Variants in KDM4B observed in about 807,000 individuals in gnomAD.
The protein encoded by KDM4B is lysine demethylase 4B.
A neutral mutation model predicts 125.2 loss-of-function variants in KDM4B; 32 were observed. The observed-to-expected ratio is 0.26, with a 90% CI of 0.19 to 0.34. The LOEUF (loss-of-function observed/expected upper bound fraction) is 0.34, where lower values mean the gene tolerates loss of function less well. Among genes scored for constraint, KDM4B ranks in the 10% least tolerant of loss-of-function variants. The pLI is 1.00. For synonymous variants in KDM4B, 721 were observed against 677.9 expected (o/e 1.06, Z -0.99); for missense variants, 1,190 against 1,577.7 (o/e 0.75, Z 4.16).
At chr19:5,106,528 T>G (rs2039038263) in intron 9 of KDM4B, among the ~76,000 whole-genome samples, 1 of 152,164 alleles carries the variant, frequency 6.6e-6, no homozygotes, top group Non-Finnish European at 1.5e-5. Context: ...CCTCCTCCTC[T>G]GGGGGATTCC....
At chr19:5,137,888 A>G in intron 17 of KDM4B, 74 bp from the exon 18 acceptor site, 1 of 1,340,626 alleles carries the variant, frequency 7.5e-7, no homozygotes, top group Non-Finnish European at 1.0e-6. Flanking sequence ...CGACAGCCAC[A>G]TCACGCCCAG....
chr19:5,125,669 G>A (rs2039436444), intron 11 of KDM4B, among the ~76,000 whole-genome samples: 3 of 152,206 alleles, frequency 2.0e-5, no homozygotes, highest in South Asian at 2.1e-4. Flanking sequence ...TCTCTGAAGG[G>A]ATCAGCCCCC....
At chr19:5,070,876 C>A in intron 6 of KDM4B, 134 bp from the exon 7 acceptor site, 1 of 836,806 alleles carries the variant, frequency 1.2e-6, no homozygotes, top group Non-Finnish European at 1.9e-6. Context: ...CCCCTCCACA[C>A]AGTCCTGACC....
chr19:5,110,825 T>C lies in KDM4B; in HGVS notation c.1115+7T>C, dbSNP rs532039749. On this transcript the variant is annotated splice_region_variant and intron_variant, in intron 10 of 22. Transcript: ENST00000159111. ...AGGCCAAGCTCCTCCGCAGGTGAGT[T>C]GCCAAGGGACTGCCGCGTGACTGCC... 3.2e-6 allele frequency: 5 copies of C among 1,562,928 alleles called. No individual in the cohort carries two copies. The South Asian group carries it at 5.8e-5, about 18-fold the overall frequency.
intron 1 of KDM4B, among the ~76,000 whole-genome samples, chr19:5,004,968 CA>C (rs1378614176): frequency 6.6e-6 from 1 of 152,352 alleles, no homozygotes; most frequent in East Asian, 1.9e-4. Flanking sequence ...CCCACTTCCC[CA>C]GGCTTCATTC....
chr19:5,037,566 C>T lies in KDM4B; in HGVS notation c.142-2270C>T, dbSNP rs777025883. 1.8e-4 allele frequency among the ~76,000 whole-genome samples: 28 copies of T among 152,212 alleles called. No individual in the cohort carries two copies. In the East Asian group the frequency reaches 1.9e-3, roughly 10 times the overall value. On this transcript the variant is annotated intron_variant, in intron 3 of 22. Coordinates refer to ENST00000159111, the MANE Select transcript of KDM4B (RefSeq NM_015015.3). ...GACATGGAGAGTCTCCAGAAAGAGC[C>T]GGCGCTAAGCTGGACTGTCCTTTCC...
chr19:5,143,900 G>A (rs929568081), intron 18 of KDM4B, 67 bp from the exon 19 acceptor site: 1 of 1,295,414 alleles, frequency 7.7e-7, no homozygotes, highest in Non-Finnish European at 1.1e-6. Flanking sequence ...GGAGGGGCCG[G>A]GGACTCCGTT....
intron 3 of KDM4B, among the ~76,000 whole-genome samples, chr19:5,034,535 AAAAC>A (rs1197828782): frequency 3.9e-5 from 6 of 152,230 alleles, no homozygotes; most frequent in Admixed American, 1.3e-4. Flanking sequence ...CTTAAAAATG[AAAAC>A]AAACAAACAA....
intron 20 of KDM4B, 48 bp downstream of exon 20, chr19:5,144,460 C>T (rs959846939): frequency 2.7e-6 from 4 of 1,501,292 alleles, no homozygotes; most frequent in African/African-American, 1.4e-5. Flanking sequence ...GGGAGCACAG[C>T]GACAACCTGT....
At chr19:5,087,169 C>A (rs970266344) in intron 9 of KDM4B, among the ~76,000 whole-genome samples, 1 of 152,230 alleles carries the variant, frequency 6.6e-6, no homozygotes, top group South Asian at 2.1e-4. Context: ...AGCAGAATGC[C>A]GTGGGCACAC....
At chr19:5,091,496 C>A (rs956128046) in intron 9 of KDM4B, among the ~76,000 whole-genome samples, 3 of 152,118 alleles carry the variant, frequency 2.0e-5, no homozygotes, top group African/African-American at 7.2e-5. Flanking sequence ...GGAAACGGCC[C>A]ACTCGGCACC....
chr19:5,089,857 G>A (rs546869017), intron 9 of KDM4B, among the ~76,000 whole-genome samples: 2 of 152,172 alleles, frequency 1.3e-5, no homozygotes, highest in East Asian at 3.9e-4. Context: ...TCGTTGGTTT[G>A]TTTTCAGAAT....
intron 2 of KDM4B, among the ~76,000 whole-genome samples, chr19:5,019,255 CAGGTGTTGGTGTGG>C (rs1312246000): frequency 8.4e-6 from 1 of 119,330 alleles, no homozygotes; most frequent in African/African-American, 3.3e-5. Context: ...TATTGGTGTG[CAGGTGTTGGTGTGG>C]ATGTTGGTGT....
intron 6 of KDM4B, among the ~76,000 whole-genome samples, chr19:5,048,780 C>T (rs2037123259): frequency 6.6e-6 from 1 of 152,240 alleles, no homozygotes. Flanking sequence ...GGTGCGTGGG[C>T]AGCGGGACGC....
At chr19:5,036,744 G>A (rs10411858) in intron 3 of KDM4B, among the ~76,000 whole-genome samples, 30,727 of 152,300 alleles carry the variant, frequency 0.2, 3,614 homozygotes, top group Middle Eastern at 0.37. Context: ...TGTCCCGAGC[G>A]GCTTTCAGTG....
At chr19:5,058,588 G>A (rs1413226916) in intron 6 of KDM4B, among the ~76,000 whole-genome samples, 1 of 152,206 alleles carries the variant, frequency 6.6e-6, no homozygotes, top group Non-Finnish European at 1.5e-5. Context: ...GTGGGAGCCG[G>A]GGCTGGCTCT....
intron 6 of KDM4B, among the ~76,000 whole-genome samples, chr19:5,070,439 G>A (rs1337522251): frequency 1.3e-5 from 2 of 152,208 alleles, no homozygotes; most frequent in Non-Finnish European, 2.9e-5. Context: ...ATGGAGCCTT[G>A]GTGATCTTTC....
rs1251107772 is a variant in KDM4B at position 4,969,151 on chromosome 19, A to G, written c.-188A>G. Reference sequence around the variant, plus strand: ...CAGCAACCGAGCGGGGCCCGGCCCGAGCGGGGCCTGGGGGTGCGACGCCGA... The same window carrying G: ...CAGCAACCGAGCGGGGCCCGGCCCGGGCGGGGCCTGGGGGTGCGACGCCGA... On this transcript the variant is annotated 5_prime_UTR_variant, in exon 1 of 23. Transcript: ENST00000159111. The G allele has an allele frequency of 6.7e-6, 1 of 149,894 alleles. No homozygotes were observed. Among genetic ancestry groups the G allele is most frequent in the African/African-American group, 2.5e-5 (1 of 40,806 alleles). 9.3% of individuals were successfully genotyped at this position (149,894 alleles called of 1,614,324 possible).
At chr19:5,011,061 T>C (rs1408104916) in intron 1 of KDM4B, among the ~76,000 whole-genome samples, 1 of 152,160 alleles carries the variant, frequency 6.6e-6, no homozygotes, top group East Asian at 1.9e-4. Context: ...TGGTCCTCGT[T>C]TTGGCCATCA....
Sources: gnomAD v4.1 joint callset for allele counts (sites outside exome capture counted in the v4.1 genomes callset) on GRCh38, gnomAD v4.1.1 for gene constraint, MANE v1.5 for transcripts, NCBI Gene and HGNC (gene_info 2026-07-23, HGNC 2026-07-21) for gene names.